Variants in SASH1 observed in about 807,000 individuals in gnomAD.
SASH1 encodes SAM and SH3 domain-containing protein 1.
In SASH1, 44 loss-of-function variants were observed where a neutral mutation model predicts 125.2. The ratio of observed to expected loss-of-function variants is 0.35; its 90% confidence interval spans 0.28 to 0.45. The LOEUF (loss-of-function observed/expected upper bound fraction) is 0.45, where lower values mean the gene tolerates loss of function less well. Ranked by LOEUF, SASH1 falls within the 20% of genes least tolerant of loss-of-function variation. The pLI, the probability that SASH1 is intolerant of heterozygous loss-of-function variation, is 1.00. For synonymous variants in SASH1, 639 were observed against 649.1 expected, an observed-to-expected ratio of 0.98 and a Z score of 0.24; for missense variants, 1,426 against 1,614.5, an observed-to-expected ratio of 0.88 and a Z score of 2.00.
At chr6:148,365,374 G>A (rs1782407186) in intron 1 of SASH1, among the ~76,000 whole-genome samples, 1 of 151,072 alleles carries the variant, frequency 6.6e-6, no homozygotes, top group Non-Finnish European at 1.5e-5. Flanking sequence ...AAGCCTGATG[G>A]CCATTTTTTG....
At chr6:148,389,478 G>T (rs1783609475) in intron 1 of SASH1, among the ~76,000 whole-genome samples, 1 of 152,156 alleles carries the variant, frequency 6.6e-6, no homozygotes, top group Admixed American at 6.5e-5. Flanking sequence ...TGAGTCTAAT[G>T]AATAATATGA....
At chr6:148,434,746 T>G (rs1776224227) in intron 2 of SASH1, among the ~76,000 whole-genome samples, 1 of 152,176 alleles carries the variant, frequency 6.6e-6, no homozygotes, top group African/African-American at 2.4e-5. Context: ...TTTAATGTAT[T>G]TAAAACATTT....
intron 1 of SASH1, among the ~76,000 whole-genome samples, chr6:148,368,618 T>A (rs1369441429): frequency 1.3e-5 from 2 of 152,190 alleles, no homozygotes; most frequent in Admixed American, 1.3e-4. Context: ...GGAACCTTCC[T>A]GCTTTGATGT....
chr6:148,530,359 A>AAGTT (rs1486293630), intron 12 of SASH1, among the ~76,000 whole-genome samples: 1 of 152,118 alleles, frequency 6.6e-6, no homozygotes, highest in African/African-American at 2.4e-5. Flanking sequence ...AATGGGAAAA[A>AAGTT]AGTTACTTAT....
At chr6:148,531,505 T>TTTTG (rs751348465) in intron 12 of SASH1, 21 bp from the exon 13 acceptor site, 1 of 1,468,214 alleles carries the variant, frequency 6.8e-7, no homozygotes, top group African/African-American at 1.4e-5. Flanking sequence ...AACTTCTTCA[T>TTTTG]TTTGTTGAAA....
intron 1 of SASH1, among the ~76,000 whole-genome samples, chr6:148,292,543 T>C (rs1164613807): frequency 6.6e-6 from 1 of 152,138 alleles, no homozygotes; most frequent in Admixed American, 6.5e-5. Flanking sequence ...AAAAATAGCC[T>C]TGAGAAGGCT....
intron 7 of SASH1, among the ~76,000 whole-genome samples, chr6:148,474,701 A>G (rs1248133848): frequency 6.6e-6 from 1 of 152,108 alleles, no homozygotes. Context: ...CCTCCTGAGT[A>G]GCTGGGACCA....
At chr6:148,231,019 T>C in the SASH1 span, among the ~76,000 whole-genome samples, 1 of 152,196 alleles carries the variant, frequency 6.6e-6, no homozygotes, top group Non-Finnish European at 1.5e-5. Flanking sequence ...TTGTTGCTTG[T>C]GTTTTGGTGC....
At chr6:148,411,878 C>T (rs545379212) in intron 2 of SASH1, among the ~76,000 whole-genome samples, 2 of 152,186 alleles carry the variant, frequency 1.3e-5, no homozygotes, top group Non-Finnish European at 2.9e-5. Flanking sequence ...ATAAAATCCC[C>T]CTTGAAATTC....
At chr6:148,340,055 G>C (rs1340270260), upstream of SASH1, among the ~76,000 whole-genome samples, 1 of 152,198 alleles carries the variant, frequency 6.6e-6, no homozygotes, top group Non-Finnish European at 1.5e-5. Context: ...GTGCTGGAGA[G>C]TCAGGCTTCA....
chr6:148,446,429 G>A (rs149188543), intron 4 of SASH1, among the ~76,000 whole-genome samples: 1,650 of 152,240 alleles, frequency 0.011, 23 homozygotes, highest in African/African-American at 0.037. Context: ...CTTAAGGAAA[G>A]AGGGTGAATA....
At chr6:148,344,677 T>C (rs920414146) in intron 1 of SASH1, among the ~76,000 whole-genome samples, 6 of 152,112 alleles carry the variant, frequency 3.9e-5, no homozygotes, top group South Asian at 4.1e-4. Flanking sequence ...TTCTGAAGTA[T>C]ACAGATGAAT....
At chr6:148,428,399 C>A (rs774905473) in intron 2 of SASH1, among the ~76,000 whole-genome samples, 3 of 152,272 alleles carry the variant, frequency 2.0e-5, no homozygotes, top group African/African-American at 7.2e-5. Flanking sequence ...GAGGCCAAGG[C>A]AGGCGGATCT....
At chr6:148,480,927 A>G (rs1029177726) in intron 7 of SASH1, among the ~76,000 whole-genome samples, 2 of 151,886 alleles carry the variant, frequency 1.3e-5, no homozygotes, top group Non-Finnish European at 2.9e-5. Flanking sequence ...GAATGCTTTC[A>G]TCCCATCTAA....
At chr6:148,201,678 G>C in the SASH1 span, among the ~76,000 whole-genome samples, 4 of 152,194 alleles carry the variant, frequency 2.6e-5, no homozygotes, top group Non-Finnish European at 4.4e-5. Flanking sequence ...GGGGTGCCCA[G>C]AAGGCTCCTG....
the SASH1 span, among the ~76,000 whole-genome samples, chr6:148,255,842 A>G: frequency 1.3e-5 from 2 of 152,068 alleles, no homozygotes; most frequent in African/African-American, 4.8e-5. Flanking sequence ...GGGTTTCACC[A>G]TGCTGCCCAG....
intron 8 of SASH1, among the ~76,000 whole-genome samples, chr6:148,499,155 A>G (rs1779457711): frequency 6.6e-6 from 1 of 151,042 alleles, no homozygotes; most frequent in African/African-American, 2.4e-5. Context: ...TCTTAGAACG[A>G]TAGTCAGTCA....
intron 9 of SASH1, among the ~76,000 whole-genome samples, chr6:148,515,377 A>G (rs1170797277): frequency 1.3e-5 from 2 of 152,226 alleles, no homozygotes; most frequent in Admixed American, 1.3e-4. Context: ...ATATAGAAAT[A>G]AAATCAAGCC....
chr6:148,391,600 T>G (rs1233475575), intron 2 of SASH1, among the ~76,000 whole-genome samples: 1 of 152,216 alleles, frequency 6.6e-6, no homozygotes, highest in Non-Finnish European at 1.5e-5. Flanking sequence ...GAAATAAATT[T>G]GGCTGTTTGT....
Sources: gnomAD v4.1 joint callset for allele counts (sites outside exome capture counted in the v4.1 genomes callset) on GRCh38, gnomAD v4.1.1 for gene constraint, MANE v1.5 for transcripts, NCBI Gene and HGNC (gene_info 2026-07-23, HGNC 2026-07-21) for gene names.